The following CCDC13 variants were observed in gnomAD, a reference collection of about 807,000 sequenced individuals.
CCDC13 encodes the protein coiled-coil domain-containing protein 13.
Under a neutral mutation model 87.3 loss-of-function variants are expected in CCDC13, and 70 were observed. The ratio of observed to expected loss-of-function variants is 0.80; its 90% CI spans 0.66 to 0.98. The LOEUF (loss-of-function observed/expected upper bound fraction) is 0.98. Ranked by LOEUF, CCDC13 falls within the 50% of genes least tolerant of loss-of-function variation. The pLI, the probability that CCDC13 is intolerant of heterozygous loss-of-function variation, is 0.00. For synonymous variants in CCDC13, 317 were observed against 360.3 expected (o/e 0.88, Z 1.36); for missense variants, 842 against 892.0 (o/e 0.94, Z 0.71).
intron 7 of CCDC13, chr3:42,745,143 G>A (rs1009692673): frequency 6.6e-6 from 1 of 152,112 alleles, no homozygotes; most frequent in Non-Finnish European, 1.5e-5. Context: ...TGTGACCCTC[G>A]AAGTCCCTGG....
intron 1 of CCDC13, among the ~76,000 whole-genome samples, chr3:42,769,290 A>G (rs555661957): frequency 2.0e-5 from 3 of 152,374 alleles, no homozygotes; most frequent in South Asian, 2.1e-4. Context: ...ATACCATTAC[A>G]TACCTATTAG....
chr3:42,756,916 C>T, intron 3 of CCDC13, 150 bp downstream of exon 3: 2 of 741,340 alleles, frequency 2.7e-6, no homozygotes, highest in East Asian at 5.4e-5. Context: ...CCTCTACCCT[C>T]TCCCTCACTT....
chr3:42,742,489 C>T (rs58876193), intron 8 of CCDC13, among the ~76,000 whole-genome samples: 2,314 of 152,288 alleles, frequency 0.015, 54 homozygotes, highest in African/African-American at 0.053. Context: ...ACACTCCCAA[C>T]GCAGCCAGTG....
At chr3:42,733,765 C>T (rs1445571551) in intron 10 of CCDC13, 156 bp from the exon 11 acceptor site, 2 of 414,894 alleles carry the variant, frequency 4.8e-6, no homozygotes, top group East Asian at 3.2e-4. Context: ...GAAGGCACTA[C>T]TTGCATGATA....
intron 1 of CCDC13, chr3:42,770,772 G>C (rs1166151161): frequency 6.5e-6 from 1 of 152,818 alleles, no homozygotes. Context: ...AACCCACCAG[G>C]AGGAATGAAC....
Position 42,770,549 on chromosome 3 carries a change from T to A in CCDC13, c.-7+2627A>T, listed in dbSNP as rs565799101. The A allele has an allele frequency of 3.3e-5, 5 of 152,370 alleles. No homozygotes were observed. The South Asian group carries it at 8.3e-4, about 25-fold the overall frequency. 9.4% of individuals were successfully genotyped at this position (152,370 alleles called of 1,614,324 possible). ...CTGTAAAATGGACCAATCAGCAGGA[T>A]GTGGGTGGGGCCAGATAAGAGAATA... On this transcript the variant is annotated intron_variant, in intron 1 of 15. Coordinates refer to ENST00000310232, the MANE Select transcript of CCDC13 (RefSeq NM_144719.4).
At chr3:42,769,894 T>C (rs1700022321) in intron 1 of CCDC13, among the ~76,000 whole-genome samples, 1 of 152,248 alleles carries the variant, frequency 6.6e-6, no homozygotes, top group East Asian at 1.9e-4. Flanking sequence ...GGGCCTTAGC[T>C]GCCTCCCCGC....
intron 1 of CCDC13, among the ~76,000 whole-genome samples, chr3:42,759,330 T>G (rs1244129547): frequency 8.5e-5 from 13 of 152,146 alleles, no homozygotes; most frequent in Admixed American, 8.5e-4. Flanking sequence ...AACACAAATT[T>G]TATGTGTACA....
downstream of CCDC13, among the ~76,000 whole-genome samples, chr3:42,705,179 G>A (rs1264664637): frequency 2.0e-5 from 3 of 152,220 alleles, no homozygotes; most frequent in African/African-American, 7.2e-5. Flanking sequence ...AGGCACACCT[G>A]TGGGGAGAAG....
chr3:42,713,436 C>T (rs1698360564), intron 13 of CCDC13, 120 bp from the exon 14 acceptor site: 2 of 920,650 alleles, frequency 2.2e-6, no homozygotes, highest in Non-Finnish European at 3.3e-6. Flanking sequence ...GGGACCTCTT[C>T]ATTTTCATTG....
At chr3:42,748,494 G>A (rs2125901701) in intron 5 of CCDC13, among the ~76,000 whole-genome samples, 1 of 152,348 alleles carries the variant, frequency 6.6e-6, no homozygotes, top group Middle Eastern at 3.4e-3. Flanking sequence ...AAGCAGGGCT[G>A]GTACTACAGT....
At position 42,747,239 on chromosome 3, in the gene CCDC13, GC is replaced by G. The variant is rs1383695865; in HGVS notation, c.720+17del. 6 of 1,591,792 alleles carry G rather than the reference GC, an allele frequency of 3.8e-6. No individual in the cohort carries two copies. The highest frequency in any genetic ancestry group is 5.2e-6 in the Non-Finnish European group (6 of 1,159,872). On this transcript the variant is annotated intron_variant, in intron 6 of 15. Transcript: ENST00000310232. ...GCCCCAGCCACACAAGAAGCCCCAA[GC>G]CCTGGCTCTGAAAGACCTTCTGTGC...
chr3:42,714,865 C>G (rs1698392688), intron 13 of CCDC13, among the ~76,000 whole-genome samples: 1 of 152,192 alleles, frequency 6.6e-6, no homozygotes, highest in South Asian at 2.1e-4. Flanking sequence ...CCAAAACAAC[C>G]TAAAGGCCCA....
chr3:42,724,237 C>T (rs983773316), intron 13 of CCDC13, among the ~76,000 whole-genome samples: 10 of 152,220 alleles, frequency 6.6e-5, no homozygotes, highest in African/African-American at 2.2e-4. Flanking sequence ...TCTCCTTCTC[C>T]CCTATAACGT....
intron 14 of CCDC13, among the ~76,000 whole-genome samples, chr3:42,710,236 TG>T (rs1423057035): frequency 9.2e-5 from 14 of 151,846 alleles, no homozygotes; most frequent in African/African-American, 3.1e-4. Context: ...CCCGAGTAGC[TG>T]GGACAACAGG....
chr3:42,769,743 C>T (rs1309280529), intron 1 of CCDC13, among the ~76,000 whole-genome samples: 9 of 152,362 alleles, frequency 5.9e-5, no homozygotes, highest in South Asian at 2.1e-4. Context: ...TGGGGCTGCG[C>T]GCAGCGCTTG....
intron 9 of CCDC13, among the ~76,000 whole-genome samples, chr3:42,738,968 G>C (rs1353125489): frequency 2.6e-5 from 4 of 152,224 alleles, no homozygotes; most frequent in African/African-American, 4.8e-5. Flanking sequence ...TGGTGAGAGA[G>C]GGCATCCTTG....
At chr3:42,723,623 G>A (rs548289768) in intron 13 of CCDC13, among the ~76,000 whole-genome samples, 116 of 152,252 alleles carry the variant, frequency 7.6e-4, no homozygotes, top group African/African-American at 2.7e-3. Flanking sequence ...AAGAACACTA[G>A]AGCTGTAAGA....
chr3:42,755,155 A>T (rs960449461), intron 3 of CCDC13, among the ~76,000 whole-genome samples: 2 of 152,220 alleles, frequency 1.3e-5, no homozygotes, highest in African/African-American at 4.8e-5. Flanking sequence ...TTCTACGTAG[A>T]CTATGAAAAG....
Sources: gnomAD v4.1 joint callset for allele counts (sites outside exome capture counted in the v4.1 genomes callset) on GRCh38, gnomAD v4.1.1 for gene constraint, MANE v1.5 for transcripts, NCBI Gene and HGNC (gene_info 2026-07-23, HGNC 2026-07-21) for gene names.